Variants in TTC21A observed in about 807,000 individuals in gnomAD.
TTC21A encodes tetratricopeptide repeat domain 21A, also known as tetratricopeptide repeat protein 21A.
In TTC21A, 128 loss-of-function variants were observed where a neutral mutation model predicts 156.4. The ratio of observed to expected loss-of-function variants is 0.82; its 90% CI spans 0.71 to 0.95. The LOEUF is 0.95. Among genes scored for constraint, TTC21A ranks in the 40% least tolerant of loss-of-function variants. TTC21A has a pLI of 0.00. For missense variants in TTC21A, 1,435 were observed against 1,602.3 expected (o/e 0.90, Z 1.78); for synonymous variants, 587 against 617.1 (o/e 0.95, Z 0.72).
Position 39,126,234 on chromosome 3 carries a change from CCCACCTCCACCG to C in TTC21A, c.1393-24_1393-13del. On this transcript the variant is annotated splice_polypyrimidine_tract_variant and intron_variant, in intron 11 of 28. Transcript: ENST00000683103. ...TCTCTTAGAATAGGGCAAACCTACTCCCACCTCCACCGCCGTGTTCCCACAGCCCAGGTTACC... is the reference window on the plus strand; with the variant it reads ...TCTCTTAGAATAGGGCAAACCTACTCCCGTGTTCCCACAGCCCAGGTTACC... 6.2e-7 allele frequency: 1 copy of C among 1,613,692 alleles called. No individual in the cohort carries two copies. Among genetic ancestry groups the C allele is most frequent in the Admixed American group, 1.7e-5 (1 of 59,986 alleles).
Position 39,112,460 on chromosome 3 carries a change from C to T in TTC21A, c.438C>T (p.Ala146=). The change falls in exon 5 of 29, where the codon GCC becomes GCT. Residue 146 remains alanine (A), a splice_region_variant and synonymous_variant. Transcript: ENST00000683103. ...CTTTCATCTTGTTCTCATCCCAGGC[C>T]TATGTGCTCAGAGGCTGGGTGGACC... The part of the protein sequence containing the change: ...MLKISRGFRE[A]YVLRGWVDLT... 1.2e-6 allele frequency: 2 copies of T among 1,614,146 alleles called. No homozygotes were observed. Among genetic ancestry groups the T allele is most frequent in the Non-Finnish European group, 1.7e-6 (2 of 1,180,016 alleles).
intron 13 of TTC21A, 60 bp from the exon 14 acceptor site, chr3:39,128,657 G>A (rs2038465602): frequency 5.7e-6 from 9 of 1,587,402 alleles, no homozygotes; most frequent in South Asian, 3.4e-5. Flanking sequence ...CCTGGCTGCT[G>A]TGAGCAGCAG....
At position 39,136,330 on chromosome 3, in the gene TTC21A, C is replaced by G. The variant is rs773384454; in HGVS notation, c.2945-27C>G. ...TGATAACAGCTACTGGGCATTTCAG[C>G]CTGGAGATTTCTGTCTCTTATTTTA... is the stretch of plus-strand genomic sequence containing the variant. On this transcript the variant is annotated intron_variant, in intron 22 of 28. Coordinates refer to ENST00000683103, the MANE Select transcript of TTC21A (RefSeq NM_001366900.1). The G allele has an allele frequency of 1.9e-6, 3 of 1,600,006 alleles. No individual in the cohort carries two copies. In the African/African-American group the frequency reaches 4.0e-5, roughly 21 times the overall value.
At chr3:39,128,295 G>C (rs769865436) in intron 12 of TTC21A, 36 bp from the exon 13 acceptor site, 2 of 1,606,684 alleles carry the variant, frequency 1.2e-6, no homozygotes, top group African/African-American at 2.7e-5. Flanking sequence ...GAGCCCTTGG[G>C]AACCCTGCAT....
chr3:39,130,352 T>C lies in TTC21A; in HGVS notation c.2313T>C (p.Tyr771=). 9.9e-6 allele frequency: 16 copies of C among 1,612,214 alleles called. No homozygotes were observed. Among genetic ancestry groups the C allele is most frequent in the Non-Finnish European group, 1.4e-5 (16 of 1,179,002 alleles). Residue 771 remains tyrosine (Y), a synonymous_variant, in exon 17 of 29, where the codon TAT becomes TAC. Coordinates refer to ENST00000683103, the MANE Select transcript of TTC21A (RefSeq NM_001366900.1). The surrounding 1 kb of genome is among the most constrained non-coding windows in gnomAD (Gnocchi z 4.5). ...IGHAYVKAHQ[Y]TEAIEYYEAA... ...ACGCTTATGTGAAGGCCCACCAGTA[T>C]ACTGAGGTCAGGCTGGGCTAGGGTG...
At chr3:39,120,967 T>C (rs1266697616) in intron 8 of TTC21A, 30 bp from the exon 9 acceptor site, 1 of 1,569,682 alleles carries the variant, frequency 6.4e-7, no homozygotes, top group African/African-American at 1.4e-5. Flanking sequence ...CTGACTGGTT[T>C]CCCAATTCCC....
chr3:39,136,535 C>T, intron 23 of TTC21A, 28 bp downstream of exon 23: 1 of 1,607,238 alleles, frequency 6.2e-7, no homozygotes. Flanking sequence ...TGTTGAGGGG[C>T]AGCTGTGTGC....
rs375670571 is a variant in TTC21A, at chr3:39,138,768, C to G, written c.3922C>G (p.Arg1308Gly). ...CAGGGAGGAAATTTTGGAAAAGGCC[C>G]GAAGGTCCCTGAGGCCCTAGCTGGG... ...KIREEILEKA[R>G]RSLRP is the part of the protein sequence containing the mutation. The change falls in exon 29 of 29, where the codon CGA (arginine) becomes GGA (glycine). Residue 1308 changes from arginine to glycine, a missense_variant. Physicochemically the swap from Arg to Gly is moderately radical, Grantham distance 125. Transcript: ENST00000683103. The G allele has an allele frequency of 1.2e-6, 2 of 1,613,994 alleles. No individual in the cohort carries two copies. Among genetic ancestry groups the G allele is most frequent in the Admixed American group, 1.7e-5 (1 of 60,014 alleles).
chr3:39,109,177 G>A lies in TTC21A; in HGVS notation c.120G>A (p.Val40=). 1 of 1,614,176 alleles carries A rather than the reference G, an allele frequency of 6.2e-7. No homozygotes were observed. The highest frequency in any genetic ancestry group is 8.5e-7 in the Non-Finnish European group (1 of 1,180,002). ...TGGAAAAATTCAGCAATGACCCTGT[G>A]TTGAAGTTCTTTAAAGCCTATGGAG... ...VGLEKFSNDP[V]LKFFKAYGVL... is the part of the protein sequence containing the mutation. The change falls in exon 2 of 29, where the codon GTG becomes GTA. Residue 40 remains valine (V), a synonymous_variant. Coordinates refer to ENST00000683103, the MANE Select transcript of TTC21A (RefSeq NM_001366900.1).
In TTC21A at chr3:39,130,269, T is replaced by G. The variant is rs1284833630; in HGVS notation, c.2230T>G (p.Tyr744Asp). The G allele has an allele frequency of 6.2e-7, 1 of 1,613,818 alleles. No homozygotes were observed. Among genetic ancestry groups the G allele is most frequent in the Non-Finnish European group, 8.5e-7 (1 of 1,179,864 alleles). The change falls in exon 17 of 29, where the codon TAT becomes GAT. Residue 744 changes from tyrosine to aspartate, a missense_variant. Transcript: ENST00000683103. This position sits in a 1 kb window ranked among gnomAD's most constrained non-coding sequence, Gnocchi z 4.5. ...CCAGCCCGAGAAGGCCCTGGAGGTCTATGATGAGGCCTATAGACAGAACCC... is the reference window on the plus strand; with the variant it reads ...CCAGCCCGAGAAGGCCCTGGAGGTCGATGATGAGGCCTATAGACAGAACCC... The part of the protein sequence containing the change: ...ILEPEKALEV[Y>D]DEAYRQNPHD...
In TTC21A at chr3:39,137,229, G is replaced by T; in HGVS notation, c.3292G>T (p.Val1098Leu). ...MEKKELEQQG[V>L]STAEKLLREF... ...GAAGAAGGAGTTGGAGCAGCAGGGT[G>T]TGAGCACCGCCGAGAAACTGCTGCG... The change falls in exon 25 of 29, where the codon GTG becomes TTG. Residue 1098 changes from valine (V) to leucine (L), a missense_variant. Val to Leu is a conservative substitution (Grantham distance 32). Coordinates refer to ENST00000683103, the MANE Select transcript of TTC21A (RefSeq NM_001366900.1). 1 of 1,614,106 alleles carries T rather than the reference G, an allele frequency of 6.2e-7. No individual in the cohort carries two copies. Among genetic ancestry groups the T allele is most frequent in the South Asian group, 1.1e-5 (1 of 91,088 alleles).
At chr3:39,118,221 T>G (rs761994330) in intron 7 of TTC21A, 68 bp downstream of exon 7, 1 of 1,501,100 alleles carries the variant, frequency 6.7e-7, no homozygotes, top group Admixed American at 1.7e-5. Flanking sequence ...TCATGACCTG[T>G]GCACCTGACC....
intron 5 of TTC21A, among the ~76,000 whole-genome samples, chr3:39,113,655 G>C (rs1041970803): frequency 6.6e-6 from 1 of 152,194 alleles, no homozygotes; most frequent in Non-Finnish European, 1.5e-5. Context: ...GGTCTATAAC[G>C]TAGTTTTCAC....
chr3:39,134,189 T>A lies in TTC21A; in HGVS notation c.2752-29T>A, dbSNP rs767107839. On this transcript the variant is annotated intron_variant, in intron 20 of 28. Coordinates refer to ENST00000683103, the MANE Select transcript of TTC21A (RefSeq NM_001366900.1). The surrounding 1 kb of genome is among the most constrained non-coding windows in gnomAD (Gnocchi z 4.6). ...AGGGGTTTCCCATGGTGTTTACTAGTTAGTTTATTATATCCGGCCTTGTCC... is the reference window on the plus strand; with the variant it reads ...AGGGGTTTCCCATGGTGTTTACTAGATAGTTTATTATATCCGGCCTTGTCC... 6.9e-7 allele frequency: 1 copy of A among 1,453,066 alleles called. No homozygotes were observed. The allele number at this position is 1,453,066 out of a possible 1,614,324, so 90.0% of individuals were successfully genotyped here.
Position 39,107,868 on chromosome 3 carries a change from C to A in TTC21A, c.27+4C>A. On this transcript the variant is annotated splice_donor_region_variant and intron_variant, in intron 1 of 28. Transcript: ENST00000683103. ...CAGCAATGACTCCTCCCTTATGGTG[C>A]GTGGCCCGGGCGCTGTCCGAGGGCT... 2 of 1,612,776 alleles carry A rather than the reference C, an allele frequency of 1.2e-6. No homozygotes were observed. Among genetic ancestry groups the A allele is most frequent in the Non-Finnish European group, 1.7e-6 (2 of 1,179,966 alleles).
At position 39,130,482 on chromosome 3, in the gene TTC21A, C is replaced by T. The variant is rs1252920215; in HGVS notation, c.2319+124C>T. Reference sequence around the variant, plus strand: ...GGCTGACTTTTCACTCAGCTCCTTGCTGAATGGGGTGCCAAGGGGAGAACT... The same window carrying T: ...GGCTGACTTTTCACTCAGCTCCTTGTTGAATGGGGTGCCAAGGGGAGAACT... On this transcript the variant is annotated intron_variant, in intron 17 of 28. Transcript: ENST00000683103. The surrounding 1 kb of genome is among the most constrained non-coding windows in gnomAD (Gnocchi z 4.5). The T allele has an allele frequency of 3.2e-6, 3 of 948,140 alleles. No individual in the cohort carries two copies. In the African/African-American group the frequency reaches 4.9e-5, roughly 16 times the overall value. The allele number at this position is 948,140 out of a possible 1,614,324, so 58.7% of individuals were successfully genotyped here.
Position 39,129,307 on chromosome 3 carries a change from A to G in TTC21A, c.2132A>G (p.Tyr711Cys), listed in dbSNP as rs1427817493. The stretch of plus-strand genomic sequence containing the variant: ...GACAGGCGCCTCTACATCAGATGCT[A>G]CCGGTAAGCCCCACAGGCAGCACAA... ...LRDRRLYIRC[Y>C]RELCEHLPGP... is the part of the protein sequence containing the mutation. Residue 711 changes from tyrosine to cysteine, a missense_variant, in exon 15 of 29, where the codon TAC (tyrosine) becomes TGC (cysteine). By Grantham distance (194) the Tyr-to-Cys change is radical. Transcript: ENST00000683103. 2.5e-6 allele frequency: 4 copies of G among 1,610,768 alleles called. No homozygotes were observed. The African/African-American group carries it at 4.0e-5, about 16-fold the overall frequency.
chr3:39,122,312 A>C (rs1338304071), intron 9 of TTC21A, among the ~76,000 whole-genome samples: 1 of 65,410 alleles, frequency 1.5e-5, no homozygotes, highest in East Asian at 4.4e-4. Flanking sequence ...CTCCACCTCA[A>C]AAAAAGAAAG....
rs1403983595 is a variant in TTC21A, at chr3:39,120,029, G to A, written c.900+9G>A. On this transcript the variant is annotated intron_variant, in intron 8 of 28. Coordinates refer to ENST00000683103, the MANE Select transcript of TTC21A (RefSeq NM_001366900.1). Reference sequence around the variant, plus strand: ...TTGTGGTTAGCCGACTGGTAAGAAGGTTCTTTCCTGGTTCTGAAATGGTGC... The same window carrying A: ...TTGTGGTTAGCCGACTGGTAAGAAGATTCTTTCCTGGTTCTGAAATGGTGC... 2.6e-6 allele frequency: 4 copies of A among 1,565,876 alleles called. No individual in the cohort carries two copies. The highest frequency in any genetic ancestry group is 3.5e-6 in the Non-Finnish European group (4 of 1,138,564).
Sources: gnomAD v4.1 joint callset for allele counts (sites outside exome capture counted in the v4.1 genomes callset) on GRCh38, gnomAD v4.1.1 for gene constraint, Gnocchi (gnomAD v3.1) non-coding constraint, MANE v1.5 for transcripts, NCBI Gene and HGNC (gene_info 2026-07-23, HGNC 2026-07-21) for gene names.